The following ARPC2 variants were observed in gnomAD, a reference collection of about 807,000 sequenced individuals.
The protein encoded by ARPC2 is actin-related protein 2/3 complex subunit 2.
ARPC2 carries 4 observed loss-of-function variants against 38.6 expected under a neutral mutation model. The ratio of observed to expected loss-of-function variants is 0.10; its 90% CI spans 0.05 to 0.24. The LOEUF (loss-of-function observed/expected upper bound fraction) is 0.24. ARPC2 is among the 10% of genes least tolerant of loss of function. The pLI, the probability that ARPC2 is intolerant of heterozygous loss-of-function variation, is 1.00. For missense variants in ARPC2, 229 were observed against 387.3 expected (o/e 0.59, Z 3.43); for synonymous variants, 125 against 140.8 (o/e 0.89, Z 0.79).
intron 3 of ARPC2, among the ~76,000 whole-genome samples, chr2:218,226,527 G>T (rs1461722374): frequency 1.3e-5 from 2 of 150,596 alleles, no homozygotes; most frequent in Non-Finnish European, 3.0e-5. Context: ...TACTCCGGAG[G>T]CCGAGGCAGG....
At chr2:218,238,554 T>C in intron 5 of ARPC2, 110 bp from the exon 6 acceptor site, 1 of 814,278 alleles carries the variant, frequency 1.2e-6, no homozygotes. Context: ...TTTAGTTGCC[T>C]CTAGTCTCTG....
intron 4 of ARPC2, 21 bp from the exon 5 acceptor site, chr2:218,234,331 T>G (rs766331123): frequency 1.9e-6 from 3 of 1,571,868 alleles, no homozygotes; most frequent in South Asian, 2.3e-5. Flanking sequence ...TATTTGGTTT[T>G]GTTTTGTTTT....
At chr2:218,228,504 C>T (rs915345173) in intron 3 of ARPC2, among the ~76,000 whole-genome samples, 2 of 152,116 alleles carry the variant, frequency 1.3e-5, no homozygotes, top group Non-Finnish European at 1.5e-5. Flanking sequence ...CAGCACCAAG[C>T]TGTGATTAAG....
chr2:218,232,193 A>G (rs949318628), intron 4 of ARPC2, among the ~76,000 whole-genome samples: 1 of 152,182 alleles, frequency 6.6e-6, no homozygotes, highest in Non-Finnish European at 1.5e-5. Flanking sequence ...ATGAGCCGAG[A>G]TCACGCCACT....
chr2:218,218,296 C>T (rs966999044), intron 2 of ARPC2, among the ~76,000 whole-genome samples: 1 of 152,200 alleles, frequency 6.6e-6, no homozygotes, highest in African/African-American at 2.4e-5. Context: ...TCTGTGATTT[C>T]TTCTGTGGTA....
Position 218,254,074 on chromosome 2 carries a change from C to G in ARPC2, c.*159C>G. On this transcript the variant is annotated 3_prime_UTR_variant, in exon 11 of 11. Transcript: ENST00000315717. ...TTGGAAAATAATCTGCAGAAACGAG[C>G]TGTGCTTGCAAAGACTTCATAGTTC... The G allele has an allele frequency of 1.3e-6, 1 of 786,250 alleles. No homozygotes were observed. The highest frequency in any genetic ancestry group is 1.8e-5 in the African/African-American group (1 of 56,392). 48.7% of individuals were successfully genotyped at this position (786,250 alleles called of 1,614,324 possible). A position where few individuals can be genotyped will look rare whatever the true frequency, so the allele number is the denominator to read the frequency against.
intron 8 of ARPC2, among the ~76,000 whole-genome samples, chr2:218,248,053 T>G (rs567769184): frequency 6.6e-6 from 1 of 151,828 alleles, no homozygotes; most frequent in South Asian, 2.1e-4. Context: ...GTGCTGGGAT[T>G]ACAGGCGTGT....
At chr2:218,218,799 C>G (rs956058081) in intron 2 of ARPC2, among the ~76,000 whole-genome samples, 34 of 152,218 alleles carry the variant, frequency 2.2e-4, no homozygotes, top group African/African-American at 8.0e-4. Context: ...TATAAGGCCA[C>G]AGATTTTATC....
At chr2:218,240,650 G>A (rs778663650) in intron 7 of ARPC2, among the ~76,000 whole-genome samples, 1 of 152,114 alleles carries the variant, frequency 6.6e-6, no homozygotes, top group Non-Finnish European at 1.5e-5. Flanking sequence ...CCAGCACTGT[G>A]GGAGGCCGAG....
At chr2:218,238,135 G>A (rs1046964529) in intron 5 of ARPC2, among the ~76,000 whole-genome samples, 3 of 152,188 alleles carry the variant, frequency 2.0e-5, no homozygotes, top group African/African-American at 7.2e-5. Context: ...TGAACAGGTA[G>A]TTGGTTTTTC....
rs1689601462 is a variant in ARPC2 at position 218,230,281 on chromosome 2, T to TTTTTC, written c.222+1435_222+1436insCTTTT. 3.6e-5 allele frequency among the ~76,000 whole-genome samples: 5 copies of TTTTTC among 140,192 alleles called. No homozygotes were observed. The East Asian group carries it at 1.0e-3, about 28-fold the overall frequency. 92.0% of individuals were successfully genotyped at this position (140,192 alleles called of 152,430 possible). ...GCCACCGTGCCCAGCCTTTTCTTTT[T>TTTTTC]TTTTTCTTTTTTTTTTTTTTTTTTT... On this transcript the variant is annotated intron_variant, in intron 4 of 10. Coordinates refer to ENST00000315717, the MANE Select transcript of ARPC2 (RefSeq NM_152862.3).
chr2:218,246,241 G>A (rs1273819635), intron 8 of ARPC2, among the ~76,000 whole-genome samples: 1 of 151,158 alleles, frequency 6.6e-6, no homozygotes, highest in East Asian at 1.9e-4. Context: ...AAAGAGTTGA[G>A]GCTGGGTGCG....
intron 5 of ARPC2, among the ~76,000 whole-genome samples, chr2:218,237,836 G>T (rs1270558432): frequency 2.0e-5 from 3 of 152,154 alleles, no homozygotes; most frequent in Non-Finnish European, 4.4e-5. Context: ...CCAAAATGCT[G>T]GGATTACAGG....
chr2:218,219,644 A>G (rs1689340162), intron 2 of ARPC2, among the ~76,000 whole-genome samples: 1 of 152,072 alleles, frequency 6.6e-6, no homozygotes, highest in Admixed American at 6.6e-5. Context: ...TCCTTTCCTC[A>G]GGACATTTTT....
chr2:218,217,486 G>A lies in ARPC2; in HGVS notation c.16G>A (p.Val6Met). The A allele has an allele frequency of 6.2e-7, 1 of 1,613,940 alleles. No homozygotes were observed. The highest frequency in any genetic ancestry group is 8.5e-7 in the Non-Finnish European group (1 of 1,179,878). The change falls in exon 2 of 11, where the codon GTG (valine) becomes ATG (methionine). Residue 6 changes from valine (V) to methionine (M), a missense_variant. Physicochemically the swap from Val to Met is conservative, Grantham distance 21. This residue lies in a region of ARPC2 where 135 missense variants were observed against 214.1 expected (regional missense o/e 0.63). Transcript: ENST00000315717. MILLE[V>M]NNRIIEETLA... ...AGCCGCCGCCATGATCCTGCTGGAG[G>A]TGAACAACCGCATCATCGAGGAGAC... is the stretch of plus-strand genomic sequence containing the variant.
In ARPC2 at chr2:218,254,189, A is replaced by G. The variant is rs1235970680; in HGVS notation, c.*274A>G. On this transcript the variant is annotated 3_prime_UTR_variant, in exon 11 of 11. Coordinates refer to ENST00000315717, the MANE Select transcript of ARPC2 (RefSeq NM_152862.3). ...CCCTCCCTCACTTCCCTTTTCTCCC[A>G]CCCTCTTTTCCAAGCTGTTTCGCTT... 7.1e-6 allele frequency: 3 copies of G among 423,612 alleles called. No individual in the cohort carries two copies. The highest frequency in any genetic ancestry group is 8.4e-6 in the Non-Finnish European group (2 of 238,470). The allele number at this position is 423,612 out of a possible 1,614,324, so 26.2% of individuals were successfully genotyped here. A position where few individuals can be genotyped will look rare whatever the true frequency, so the allele number is the denominator to read the frequency against.
intron 5 of ARPC2, chr2:218,236,558 C>T (rs1356152106): frequency 6.6e-6 from 1 of 152,060 alleles, no homozygotes; most frequent in African/African-American, 2.4e-5. Context: ...TATCGGAGGC[C>T]AGGGCGGGCG....
intron 7 of ARPC2, among the ~76,000 whole-genome samples, chr2:218,242,848 A>T (rs979500062): frequency 6.6e-6 from 1 of 152,210 alleles, no homozygotes; most frequent in East Asian, 1.9e-4. Flanking sequence ...ATTTCTTTAC[A>T]TACTAGGGAG....
chr2:218,230,287 C>CTTTTTTTTTTT (rs768585570), intron 4 of ARPC2, among the ~76,000 whole-genome samples: 1,040 of 72,984 alleles, frequency 0.014, no homozygotes, highest in Non-Finnish European at 0.019. Context: ...TTTTTTTTTT[C>CTTTTTTTTTTT]TTTTTTTTTT....
Sources: allele counts gnomAD v4.1 joint callset (sites outside exome capture counted in the v4.1 genomes callset), GRCh38; gene constraint gnomAD v4.1.1; regional missense constraint gnomAD v4.1.1; transcripts MANE v1.5; gene names NCBI Gene and HGNC (gene_info 2026-07-23, HGNC 2026-07-21).